MGAT4C: variants seen among roughly 807,000 people sequenced by gnomAD.
MGAT4C encodes the protein MGAT4 family member C.
Under a neutral mutation model 40.1 loss-of-function variants are expected in MGAT4C, and 19 were observed. The observed-to-expected ratio is 0.47, with a 90% CI of 0.33 to 0.70. MGAT4C has a LOEUF of 0.70. Ranked by LOEUF, MGAT4C falls within the 30% of genes least tolerant of loss-of-function variation. The pLI, the probability that MGAT4C is intolerant of heterozygous loss-of-function variation, is 0.02. For missense variants in MGAT4C, 491 were observed against 563.2 expected (o/e 0.87, Z 1.30); for synonymous variants, 181 against 187.1 (o/e 0.97, Z 0.27).
chr12:86,516,733 T>C (rs1438316665), intron 2 of MGAT4C, among the ~76,000 whole-genome samples: 1 of 152,144 alleles, frequency 6.6e-6, no homozygotes, highest in Non-Finnish European at 1.5e-5. Flanking sequence ...TTAAAAGACT[T>C]ATATAAACAA....
chr12:86,321,320 C>T (rs1035227276), intron 4 of MGAT4C, among the ~76,000 whole-genome samples: 95 of 152,250 alleles, frequency 6.2e-4, no homozygotes, highest in South Asian at 6.2e-4. Context: ...ATGTAGCATT[C>T]ATATCCTTGT....
intron 3 of MGAT4C, among the ~76,000 whole-genome samples, chr12:85,984,024 A>G (rs1884938848): frequency 1.3e-5 from 2 of 152,212 alleles, no homozygotes; most frequent in Non-Finnish European, 2.9e-5. Context: ...AAGGATCTCA[A>G]AATTGACAGT....
chr12:86,311,785 C>G (rs1322955052), intron 4 of MGAT4C, among the ~76,000 whole-genome samples: 1 of 152,318 alleles, frequency 6.6e-6, no homozygotes, highest in South Asian at 2.1e-4. Context: ...GTCCTGCCTC[C>G]TTCTGACCTC....
chr12:86,759,562 TG>T (rs1951365446), intron 1 of MGAT4C, among the ~76,000 whole-genome samples: 1 of 152,108 alleles, frequency 6.6e-6, no homozygotes, highest in Admixed American at 6.6e-5. Flanking sequence ...CTTTTATTTT[TG>T]AATAGTAGCT....
chr12:86,283,275 T>A (rs914810932), intron 4 of MGAT4C, among the ~76,000 whole-genome samples: 3 of 152,128 alleles, frequency 2.0e-5, no homozygotes, highest in Admixed American at 1.3e-4. Flanking sequence ...CTATTCTGTT[T>A]GTTATTCAGA....
intron 3 of MGAT4C, among the ~76,000 whole-genome samples, chr12:86,354,872 C>T (rs1005339522): frequency 6.6e-6 from 1 of 152,130 alleles, no homozygotes; most frequent in African/African-American, 2.4e-5. Flanking sequence ...ATGGCAAAGA[C>T]CCAAAGAGTG....
intron 2 of MGAT4C, among the ~76,000 whole-genome samples, chr12:86,711,266 A>C (rs1050552808): frequency 6.6e-6 from 1 of 152,156 alleles, no homozygotes; most frequent in Non-Finnish European, 1.5e-5. Flanking sequence ...GAATAGAGAA[A>C]GAGCCAAAAG....
chr12:86,038,732 C>CA (rs1358287319), intron 2 of MGAT4C, among the ~76,000 whole-genome samples: 2 of 149,756 alleles, frequency 1.3e-5, no homozygotes, highest in Non-Finnish European at 3.0e-5. Context: ...AGCCCATTTA[C>CA]ATTTAAGGTT....
chr12:86,760,050 C>A (rs1284444632), intron 1 of MGAT4C, among the ~76,000 whole-genome samples: 6 of 152,076 alleles, frequency 3.9e-5, no homozygotes. Context: ...ATGATGAAAA[C>A]AGCATGGTAC....
At chr12:86,452,866 C>T (rs572933783) in intron 2 of MGAT4C, among the ~76,000 whole-genome samples, 20 of 152,166 alleles carry the variant, frequency 1.3e-4, no homozygotes, top group African/African-American at 4.6e-4. Context: ...CATGGATTAG[C>T]AAAAACCATA....
At chr12:86,768,922 A>T (rs1455314056) in intron 1 of MGAT4C, among the ~76,000 whole-genome samples, 2 of 152,102 alleles carry the variant, frequency 1.3e-5, no homozygotes, top group Non-Finnish European at 2.9e-5. Context: ...ACCCTAGAAG[A>T]AAACCTAGGC....
intron 1 of MGAT4C, among the ~76,000 whole-genome samples, chr12:86,072,742 G>A (rs1158454443): frequency 5.3e-5 from 8 of 151,922 alleles, no homozygotes; most frequent in South Asian, 4.2e-4. Flanking sequence ...AAAGAAATAC[G>A]CAACAGAATA....
At chr12:86,538,757 G>A (rs988045654) in intron 2 of MGAT4C, among the ~76,000 whole-genome samples, 20 of 151,600 alleles carry the variant, frequency 1.3e-4, no homozygotes, top group African/African-American at 2.7e-4. Context: ...ACAGGCGCCC[G>A]CCACCACGCC....
chr12:86,092,624 GT>G (rs1873089938), intron 1 of MGAT4C, among the ~76,000 whole-genome samples: 1 of 152,072 alleles, frequency 6.6e-6, no homozygotes, highest in African/African-American at 2.4e-5. Context: ...AATTAACTCT[GT>G]TTTTCATTTA....
chr12:86,631,700 A>C (rs919549423), intron 2 of MGAT4C, among the ~76,000 whole-genome samples: 6 of 152,080 alleles, frequency 3.9e-5, no homozygotes, highest in Admixed American at 6.5e-5. Flanking sequence ...CTGGCTAGCC[A>C]TATGTAGAAA....
chr12:86,461,525 G>C (rs1447110050), intron 2 of MGAT4C, among the ~76,000 whole-genome samples: 1 of 152,088 alleles, frequency 6.6e-6, no homozygotes, highest in Non-Finnish European at 1.5e-5. Flanking sequence ...GATTACAGGC[G>C]TGAGCCACTG....
At chr12:86,251,422 CA>C (rs1343091525) in intron 1 of MGAT4C, among the ~76,000 whole-genome samples, 3 of 152,114 alleles carry the variant, frequency 2.0e-5, no homozygotes, top group Admixed American at 1.3e-4. Flanking sequence ...ATACAATTTG[CA>C]CGCACTTATT....
intron 1 of MGAT4C, among the ~76,000 whole-genome samples, chr12:86,182,362 T>C (rs536952658): frequency 6.6e-6 from 1 of 152,282 alleles, no homozygotes; most frequent in African/African-American, 2.4e-5. Flanking sequence ...CTTTCTTAAT[T>C]TGAACTCTGT....
intron 4 of MGAT4C, among the ~76,000 whole-genome samples, chr12:86,305,687 T>G (rs1381229734): frequency 2.7e-5 from 4 of 150,456 alleles, no homozygotes; most frequent in African/African-American, 1.0e-4. Context: ...TTGCATATAA[T>G]CTATGCATAT....
Sources: allele counts gnomAD v4.1 joint callset (sites outside exome capture counted in the v4.1 genomes callset), GRCh38; gene constraint gnomAD v4.1.1; transcripts MANE v1.5; gene names NCBI Gene and HGNC (gene_info 2026-07-23, HGNC 2026-07-21).